Variants in NEGR1 observed in about 807,000 individuals in gnomAD.
NEGR1 encodes neuronal growth regulator 1.
Under a neutral mutation model 40.9 loss-of-function variants are expected in NEGR1, and 10 were observed. That is an observed-to-expected ratio of 0.24 (90% CI 0.15 to 0.42). NEGR1 has a LOEUF of 0.42. Among genes scored for constraint, NEGR1 ranks in the 10% least tolerant of loss-of-function variants. The probability of loss-of-function intolerance (pLI) is 1.00; values close to 1 mark genes in which losing one functional copy is unlikely to be tolerated. For synonymous variants in NEGR1, 185 were observed against 166.8 expected (o/e 1.11, Z -0.84); for missense variants, 352 against 438.9 (o/e 0.80, Z 1.77).
At chr1:72,247,583 C>G (rs1031577149) in intron 1 of NEGR1, among the ~76,000 whole-genome samples, 1 of 152,174 alleles carries the variant, frequency 6.6e-6, no homozygotes, top group Admixed American at 6.5e-5. Context: ...CCAATAACTT[C>G]CTCATTTCTG....
rs1216353286 is a variant in NEGR1, at chr1:71,813,350, T to C, written c.410-37053A>G. Among the ~76,000 whole-genome samples, 3 of 152,276 alleles carry C rather than the reference T, an allele frequency of 2.0e-5. No homozygotes were observed. The East Asian group carries it at 5.8e-4, about 29-fold the overall frequency. On this transcript the variant is annotated intron_variant, in intron 2 of 6. Coordinates refer to ENST00000357731, the MANE Select transcript of NEGR1 (RefSeq NM_173808.3). ...GTTGCTGTAGCCTTATAGGATAATT[T>C]GAAGTCAAATAGCATGATGCCTCCA...
At chr1:71,753,989 G>C (rs1655650673) in intron 3 of NEGR1, among the ~76,000 whole-genome samples, 1 of 152,112 alleles carries the variant, frequency 6.6e-6, no homozygotes, top group African/African-American at 2.4e-5. Flanking sequence ...AGACACCTGG[G>C]GTGATGAATT....
At chr1:72,244,599 T>C (rs990707815) in intron 1 of NEGR1, among the ~76,000 whole-genome samples, 3 of 151,938 alleles carry the variant, frequency 2.0e-5, no homozygotes, top group East Asian at 3.9e-4. Flanking sequence ...TTTGTGGTAG[T>C]TATGCTCTAT....
At chr1:72,003,144 C>A (rs1646572198) in intron 1 of NEGR1, among the ~76,000 whole-genome samples, 1 of 151,952 alleles carries the variant, frequency 6.6e-6, no homozygotes, top group Non-Finnish European at 1.5e-5. Context: ...TTCTCTGATT[C>A]AGGAATAACC....
chr1:71,900,995 C>T (rs1488120583), intron 2 of NEGR1, among the ~76,000 whole-genome samples: 1 of 152,118 alleles, frequency 6.6e-6, no homozygotes, highest in African/African-American at 2.4e-5. Context: ...CCTGTTTAAT[C>T]TTCATGCAAT....
chr1:71,825,508 T>C (rs1658586911), intron 2 of NEGR1, among the ~76,000 whole-genome samples: 1 of 151,898 alleles, frequency 6.6e-6, no homozygotes, highest in Admixed American at 6.6e-5. Flanking sequence ...TTTTCAATAC[T>C]ACTAGTATGT....
intron 2 of NEGR1, among the ~76,000 whole-genome samples, chr1:71,894,573 CT>C (rs778876385): frequency 2.6e-5 from 4 of 152,186 alleles, no homozygotes; most frequent in Non-Finnish European, 5.9e-5. Context: ...AGTTAAGTAA[CT>C]ATTAAAATAC....
At chr1:72,017,221 C>T (rs1646720011) in intron 1 of NEGR1, among the ~76,000 whole-genome samples, 2 of 151,754 alleles carry the variant, frequency 1.3e-5, no homozygotes, top group African/African-American at 4.8e-5. Flanking sequence ...TAAAGGCAGA[C>T]TGTGTCAGTT....
At chr1:72,122,595 T>G (rs1490566589) in intron 1 of NEGR1, among the ~76,000 whole-genome samples, 1 of 151,928 alleles carries the variant, frequency 6.6e-6, no homozygotes, top group Non-Finnish European at 1.5e-5. Flanking sequence ...ATTTGTATAT[T>G]TATTACATAA....
chr1:71,790,945 C>T lies in NEGR1; in HGVS notation c.410-14648G>A, dbSNP rs939071580. 5.9e-5 allele frequency among the ~76,000 whole-genome samples: 9 copies of T among 151,574 alleles called. No individual in the cohort carries two copies. The South Asian group carries it at 1.5e-3, about 25-fold the overall frequency. On this transcript the variant is annotated intron_variant, in intron 2 of 6. Coordinates refer to ENST00000357731, the MANE Select transcript of NEGR1 (RefSeq NM_173808.3). ...TGATGAACAAAAATCATTTGTTGTT[C>T]GGGACTGGCGATAGGACTGGTAGAC...
At chr1:71,513,620 G>T (rs895229465) in intron 6 of NEGR1, among the ~76,000 whole-genome samples, 5 of 152,164 alleles carry the variant, frequency 3.3e-5, no homozygotes, top group Admixed American at 6.5e-5. Flanking sequence ...AGTCCTATTA[G>T]GTATATGTTT....
intron 2 of NEGR1, among the ~76,000 whole-genome samples, chr1:71,780,390 T>C (rs1444090606): frequency 2.0e-5 from 3 of 152,232 alleles, no homozygotes; most frequent in Admixed American, 1.3e-4. Flanking sequence ...TATGATACCA[T>C]AAAAAGACAA....
At chr1:72,175,204 C>A (rs760091242) in intron 1 of NEGR1, among the ~76,000 whole-genome samples, 2 of 151,812 alleles carry the variant, frequency 1.3e-5, no homozygotes, top group Non-Finnish European at 2.9e-5. Flanking sequence ...TTATAAAGTT[C>A]TTTTAAATAT....
intron 4 of NEGR1, among the ~76,000 whole-genome samples, chr1:71,639,549 T>C (rs775307962): frequency 3.3e-5 from 5 of 152,066 alleles, no homozygotes; most frequent in Non-Finnish European, 5.9e-5. Context: ...TGCGCACCTC[T>C]GCACATGTTT....
chr1:71,417,880 G>A (rs1000713947), intron 6 of NEGR1, among the ~76,000 whole-genome samples: 9 of 152,126 alleles, frequency 5.9e-5, no homozygotes, highest in Non-Finnish European at 1.3e-4. Flanking sequence ...TTGTTGGCAG[G>A]AGATCATGTG....
chr1:71,971,878 T>C (rs944991653), intron 1 of NEGR1, among the ~76,000 whole-genome samples: 2 of 152,246 alleles, frequency 1.3e-5, no homozygotes, highest in Admixed American at 6.5e-5. Flanking sequence ...TGCTTCTTTC[T>C]CTGAATGCAG....
At chr1:72,168,625 C>T (rs922894988) in intron 1 of NEGR1, among the ~76,000 whole-genome samples, 5 of 152,260 alleles carry the variant, frequency 3.3e-5, no homozygotes, top group African/African-American at 1.2e-4. Flanking sequence ...AGCAGTGGCT[C>T]GTGTCTGTAA....
intron 1 of NEGR1, among the ~76,000 whole-genome samples, chr1:72,001,732 C>T (rs1489702131): frequency 2.7e-5 from 4 of 150,732 alleles, no homozygotes; most frequent in Non-Finnish European, 3.0e-5. Context: ...GTAACCTAAC[C>T]TAGTGATAAG....
intron 2 of NEGR1, among the ~76,000 whole-genome samples, chr1:71,843,174 A>T (rs1266077449): frequency 6.6e-6 from 1 of 152,142 alleles, no homozygotes; most frequent in Non-Finnish European, 1.5e-5. Flanking sequence ...ATGCCCAAGG[A>T]CAGCGGCTGT....
Sources: allele counts gnomAD v4.1 joint callset (sites outside exome capture counted in the v4.1 genomes callset), GRCh38; gene constraint gnomAD v4.1.1; transcripts MANE v1.5; gene names NCBI Gene and HGNC (gene_info 2026-07-23, HGNC 2026-07-21).